The following CRB1 variants were observed in gnomAD, a reference collection of about 807,000 sequenced individuals.
CRB1 encodes protein crumbs homolog 1.
In CRB1, 83 loss-of-function variants were observed where a neutral mutation model predicts 120.0. The observed-to-expected ratio is 0.69, with a 90% CI of 0.58 to 0.83. The LOEUF is 0.83. CRB1 is among the 40% of genes least tolerant of loss of function. CRB1 has a pLI of 0.00. For synonymous variants in CRB1, 625 were observed against 612.5 expected (o/e 1.02, Z -0.30); for missense variants, 1,699 against 1,687.6 (o/e 1.01, Z -0.12).
chr1:197,438,343 T>C (rs1665261891), intron 9 of CRB1, among the ~76,000 whole-genome samples: 3 of 152,184 alleles, frequency 2.0e-5, no homozygotes, highest in Admixed American at 2.0e-4. Context: ...TGTATAGCCA[T>C]GCTTGTCACA....
intron 5 of CRB1, among the ~76,000 whole-genome samples, chr1:197,376,799 A>G (rs1223501373): frequency 6.6e-6 from 1 of 152,148 alleles, no homozygotes. Context: ...CAAACAGTCC[A>G]GTGGCTCACA....
chr1:197,313,741 C>A (rs570902670), intron 1 of CRB1, among the ~76,000 whole-genome samples: 2 of 152,248 alleles, frequency 1.3e-5, no homozygotes, highest in Admixed American at 6.5e-5. Flanking sequence ...AACATAATGA[C>A]CTCCAGTTCC....
At chr1:197,377,553 C>T (rs866290504) in intron 5 of CRB1, among the ~76,000 whole-genome samples, 1 of 152,164 alleles carries the variant, frequency 6.6e-6, no homozygotes, top group Non-Finnish European at 1.5e-5. Flanking sequence ...AATTCTTGCT[C>T]TAATTATAGT....
intron 1 of CRB1, among the ~76,000 whole-genome samples, chr1:197,321,177 A>G (rs1480296036): frequency 6.6e-6 from 1 of 152,202 alleles, no homozygotes; most frequent in East Asian, 1.9e-4. Flanking sequence ...GGCTATGCAC[A>G]TGAGCTGAGG....
intron 5 of CRB1, among the ~76,000 whole-genome samples, chr1:197,381,477 A>G (rs1271073310): frequency 6.6e-6 from 1 of 152,204 alleles, no homozygotes; most frequent in Non-Finnish European, 1.5e-5. Flanking sequence ...CCTTACAGTG[A>G]TATCTTACAA....
intron 8 of CRB1, 24 bp downstream of exon 8, chr1:197,429,638 T>C: frequency 3.7e-6 from 6 of 1,610,622 alleles, no homozygotes; most frequent in Non-Finnish European, 5.1e-6. Flanking sequence ...AAACCTACCA[T>C]CTCACCAGTT....
intron 5 of CRB1, among the ~76,000 whole-genome samples, chr1:197,393,233 A>G (rs1197362163): frequency 1.3e-5 from 2 of 152,112 alleles, no homozygotes; most frequent in Admixed American, 1.3e-4. Flanking sequence ...TTGCATGCAC[A>G]ATGTGTTATC....
chr1:197,310,655 A>G (rs1381799015), intron 1 of CRB1, among the ~76,000 whole-genome samples: 2 of 152,202 alleles, frequency 1.3e-5, no homozygotes, highest in Admixed American at 1.3e-4. Flanking sequence ...AGATATAGAT[A>G]TAGAAAATTC....
the CRB1 span, among the ~76,000 whole-genome samples, chr1:197,230,023 C>T: frequency 6.6e-6 from 1 of 152,290 alleles, no homozygotes; most frequent in South Asian, 2.1e-4. Context: ...ATATGTTCAG[C>T]ACTACACTAA....
chr1:197,398,962 G>C (rs1421525648), intron 5 of CRB1, among the ~76,000 whole-genome samples: 2 of 150,736 alleles, frequency 1.3e-5, no homozygotes, highest in Non-Finnish European at 3.0e-5. Flanking sequence ...CTATATATGT[G>C]ACTATATATA....
chr1:197,430,782 C>G (rs985470968), intron 8 of CRB1, among the ~76,000 whole-genome samples: 15 of 152,068 alleles, frequency 9.9e-5, no homozygotes, highest in African/African-American at 3.4e-4. Context: ...AGGCAAGAAA[C>G]TTTTCTATGT....
intron 1 of CRB1, among the ~76,000 whole-genome samples, chr1:197,278,281 A>G (rs914543751): frequency 1.3e-5 from 2 of 151,918 alleles, no homozygotes; most frequent in Non-Finnish European, 2.9e-5. Context: ...GGACATATGG[A>G]GAAGATGGCC....
At chr1:197,294,539 A>C (rs1191839815) in intron 1 of CRB1, among the ~76,000 whole-genome samples, 3 of 152,178 alleles carry the variant, frequency 2.0e-5, no homozygotes. Context: ...CATTTGACCC[A>C]GCCATCCCAT....
intron 8 of CRB1, among the ~76,000 whole-genome samples, chr1:197,432,357 AACACACAC>A (rs35921087): frequency 0.27 from 38,308 of 139,636 alleles, 5,548 homozygotes; most frequent in Non-Finnish European, 0.32. Context: ...ACCTGGTTGA[AACACACAC>A]ACACACACAC....
Position 197,427,518 on chromosome 1 carries a change from G to C in CRB1, c.2193G>C (p.Glu731Asp), listed in dbSNP as rs1288156248. Residue 731 changes from glutamate to aspartate, a missense_variant, in exon 7 of 12, where the codon GAG becomes GAC. Glu to Asp is a conservative substitution (Grantham distance 45, BLOSUM62 2). Transcript: ENST00000367400. The part of the protein sequence containing the change: ...STGYVIFTLD[E>D]SYGDTISLSM... ...GTTATGTCATCTTTACTCTTGATGA[G>C]AGCTATGGAGACACCATCAGCCTCT... 6.2e-7 allele frequency: 1 copy of C among 1,613,644 alleles called. No individual in the cohort carries two copies. The highest frequency in any genetic ancestry group is 8.5e-7 in the Non-Finnish European group (1 of 1,179,934).
chr1:197,335,573 G>A (rs1237417938), intron 2 of CRB1, among the ~76,000 whole-genome samples: 4 of 151,564 alleles, frequency 2.6e-5, no homozygotes, highest in Non-Finnish European at 5.9e-5. Flanking sequence ...ATCTCGGCTC[G>A]CTGCAACCTC....
At chr1:197,389,912 C>T (rs538958231) in intron 5 of CRB1, among the ~76,000 whole-genome samples, 1 of 152,022 alleles carries the variant, frequency 6.6e-6, no homozygotes, top group East Asian at 1.9e-4. Flanking sequence ...CCCTGCCACC[C>T]TGCTGCGTGC....
the CRB1 span, among the ~76,000 whole-genome samples, chr1:197,253,065 C>CA: frequency 6.6e-6 from 1 of 151,966 alleles, no homozygotes; most frequent in African/African-American, 2.4e-5. Flanking sequence ...TGAAATTAAC[C>CA]ATCATAACTC....
intron 5 of CRB1, among the ~76,000 whole-genome samples, chr1:197,384,390 C>G (rs1662109918): frequency 6.6e-6 from 1 of 152,134 alleles, no homozygotes; most frequent in Admixed American, 6.6e-5. Context: ...CCCCTGACAA[C>G]AATGGATCCA....
Sources: gnomAD v4.1 joint callset for allele counts (sites outside exome capture counted in the v4.1 genomes callset) on GRCh38, gnomAD v4.1.1 for gene constraint, MANE v1.5 for transcripts, NCBI Gene and HGNC (gene_info 2026-07-23, HGNC 2026-07-21) for gene names.